HECW1: variants seen among roughly 807,000 people sequenced by gnomAD.
HECW1 encodes E3 ubiquitin-protein ligase HECW1.
A neutral mutation model predicts 182.3 loss-of-function variants in HECW1; 61 were observed. That is an observed-to-expected ratio of 0.33 (90% CI 0.27 to 0.41). HECW1 has a LOEUF of 0.41. HECW1 is among the 10% of genes least tolerant of loss of function. The probability of loss-of-function intolerance (pLI) is 1.00; values close to 1 mark genes in which losing one functional copy is unlikely to be tolerated. For synonymous variants in HECW1, 859 were observed against 832.6 expected (o/e 1.03, Z -0.55); for missense variants, 1,739 against 2,108.9 (o/e 0.82, Z 3.44).
At chr7:43,393,969 C>A (rs2075135917) in intron 6 of HECW1, among the ~76,000 whole-genome samples, 1 of 152,072 alleles carries the variant, frequency 6.6e-6, no homozygotes, top group South Asian at 2.1e-4. Context: ...ATTATAGTTT[C>A]TATTGTTCCC....
rs529109893 is a variant in HECW1 at position 43,319,393 on chromosome 7, C to CAAAAAAAAAAA, written c.353-1236_353-1226dup. On this transcript the variant is annotated intron_variant, in intron 4 of 29. Transcript: ENST00000395891. ...TGGGCGACAGAGCGAGACTCCGTCT[C>CAAAAAAAAAAA]AAAAAAAAAAAAAAAAGAGAGAACA... 3.5e-3 allele frequency among the ~76,000 whole-genome samples: 237 copies of CAAAAAAAAAAA among 67,656 alleles called. 3 individuals are homozygous for CAAAAAAAAAAA. The highest frequency in any genetic ancestry group is 9.1e-3 in the African/African-American group (222 of 24,396). The allele number at this position is 67,656 out of a possible 152,430, so 44.4% of individuals were successfully genotyped here.
intron 2 of HECW1, among the ~76,000 whole-genome samples, chr7:43,199,914 G>A (rs772772595): frequency 6.6e-6 from 1 of 152,032 alleles, no homozygotes; most frequent in Non-Finnish European, 1.5e-5. Flanking sequence ...AGTACTGAGG[G>A]CAATTTTAAG....
chr7:43,365,297 C>T (rs1461667583), intron 6 of HECW1, among the ~76,000 whole-genome samples: 1 of 152,240 alleles, frequency 6.6e-6, no homozygotes, highest in Non-Finnish European at 1.5e-5. Flanking sequence ...CCCTACAGAG[C>T]GTTCACCTGG....
At chr7:43,435,131 A>T (rs1383738650) in intron 8 of HECW1, among the ~76,000 whole-genome samples, 1 of 150,838 alleles carries the variant, frequency 6.6e-6, no homozygotes, top group Non-Finnish European at 1.5e-5. Context: ...TTAGTGTTAC[A>T]TGTAATTATA....
At chr7:43,240,332 C>T (rs886675870) in intron 2 of HECW1, among the ~76,000 whole-genome samples, 4 of 152,038 alleles carry the variant, frequency 2.6e-5, no homozygotes, top group Non-Finnish European at 4.4e-5. Context: ...AGCAAGACTC[C>T]GTCTCAAATA....
At chr7:43,542,135 T>A (rs2081384313) in intron 26 of HECW1, 137 bp downstream of exon 26, 2 of 692,484 alleles carry the variant, frequency 2.9e-6, no homozygotes, top group Non-Finnish European at 4.1e-6. Context: ...GGCCATCCAA[T>A]CTCCAGAACT....
intron 2 of HECW1, among the ~76,000 whole-genome samples, chr7:43,228,583 CT>C (rs1797632410): frequency 6.6e-6 from 1 of 152,094 alleles, no homozygotes; most frequent in South Asian, 2.1e-4. Context: ...AAATTAGGCC[CT>C]TTTGTAAGTT....
intron 3 of HECW1, among the ~76,000 whole-genome samples, chr7:43,280,309 G>C (rs1223663302): frequency 6.6e-6 from 1 of 152,142 alleles, no homozygotes; most frequent in African/African-American, 2.4e-5. Flanking sequence ...TTCCACCACT[G>C]AACACCTGTG....
intron 2 of HECW1, among the ~76,000 whole-genome samples, chr7:43,115,915 A>G (rs1785006129): frequency 1.3e-5 from 2 of 152,200 alleles, no homozygotes; most frequent in Non-Finnish European, 2.9e-5. Flanking sequence ...TAAATATGGG[A>G]TGAGCTTCTT....
At position 43,159,678 on chromosome 7, in the gene HECW1, C is replaced by CTT. The variant is rs36117153; in HGVS notation, c.-32+45305_-32+45306dup. On this transcript the variant is annotated intron_variant, in intron 2 of 29. Coordinates refer to ENST00000395891, the MANE Select transcript of HECW1 (RefSeq NM_015052.5). ...GAAAGCATTTCCTATTTCCTTGTAT[C>CTT]TTTTTTTTTTTTTTTTTTTGAGATG... Among the ~76,000 whole-genome samples the CTT allele has an allele frequency of 1.5e-3, 180 of 123,746 alleles. 1 individual carries two copies. Among genetic ancestry groups the CTT allele is most frequent in the Middle Eastern group, 4.3e-3 (1 of 230 alleles). 81.2% of individuals were successfully genotyped at this position (123,746 alleles called of 152,430 possible).
intron 24 of HECW1, among the ~76,000 whole-genome samples, chr7:43,524,689 C>T (rs977855266): frequency 1.3e-5 from 2 of 152,142 alleles, no homozygotes; most frequent in Non-Finnish European, 2.9e-5. Context: ...CTTTGACATG[C>T]CCATGCAGAG....
At chr7:43,275,319 T>C (rs1181306366) in intron 3 of HECW1, among the ~76,000 whole-genome samples, 2 of 152,124 alleles carry the variant, frequency 1.3e-5, no homozygotes, top group African/African-American at 2.4e-5. Flanking sequence ...TAAATCACAA[T>C]GTTAATGGTA....
At chr7:43,120,262 G>T (rs1785455576) in intron 2 of HECW1, among the ~76,000 whole-genome samples, 3 of 152,096 alleles carry the variant, frequency 2.0e-5, no homozygotes, top group Admixed American at 2.0e-4. Context: ...TGGAGGGACG[G>T]TCCCCCAGCC....
chr7:43,488,234 C>T (rs1342237213), intron 17 of HECW1, among the ~76,000 whole-genome samples: 4 of 151,160 alleles, frequency 2.6e-5, no homozygotes, highest in Non-Finnish European at 4.4e-5. Flanking sequence ...CTCTTGAACC[C>T]GGGAGGCAGA....
chr7:43,441,729 A>G (rs893408044), intron 9 of HECW1, among the ~76,000 whole-genome samples: 20 of 152,260 alleles, frequency 1.3e-4, no homozygotes, highest in Non-Finnish European at 2.9e-5. Context: ...CCGTGCTCCA[A>G]TAAAACTTTA....
rs371345997 is a variant in HECW1 at position 43,317,879 on chromosome 7, T to G, written c.353-2756T>G. On this transcript the variant is annotated intron_variant, in intron 4 of 29. Coordinates refer to ENST00000395891, the MANE Select transcript of HECW1 (RefSeq NM_015052.5). ...TGCCATCCTCGTCATCCTTTGCTGA[T>G]TCTTCCCACCTCCCCTTCATCCTTT... is the stretch of plus-strand genomic sequence containing the variant. Among the ~76,000 whole-genome samples the G allele has an allele frequency of 9.2e-5, 14 of 151,426 alleles. No individual in the cohort carries two copies. The South Asian group carries it at 1.1e-3, about 11-fold the overall frequency.
At chr7:43,278,762 T>A (rs1187334155) in intron 3 of HECW1, among the ~76,000 whole-genome samples, 1 of 152,110 alleles carries the variant, frequency 6.6e-6, no homozygotes, top group Non-Finnish European at 1.5e-5. Context: ...CTTCTCCTCC[T>A]CCTCCTAAGT....
chr7:43,356,751 A>G (rs58012450), intron 5 of HECW1, among the ~76,000 whole-genome samples: 2 of 152,246 alleles, frequency 1.3e-5, no homozygotes, highest in African/African-American at 4.8e-5. Flanking sequence ...CTCAGAAACT[A>G]CACAAACACA....
chr7:43,190,086 T>TTTG lies in HECW1; in HGVS notation c.-31-53771_-31-53769dup, dbSNP rs71008894. On this transcript the variant is annotated intron_variant, in intron 2 of 29. Coordinates refer to ENST00000395891, the MANE Select transcript of HECW1 (RefSeq NM_015052.5). ...ACCCCTGGTCACAGCTGTGGAAATTTTTGTTGTTGTTGTTGTTGTTTGTTT... is the reference window on the plus strand; with the variant it reads ...ACCCCTGGTCACAGCTGTGGAAATTTTTGTTGTTGTTGTTGTTGTTGTTTGTTT... 5.3e-5 allele frequency among the ~76,000 whole-genome samples: 8 copies of TTTG among 151,846 alleles called. No individual in the cohort carries two copies. In the South Asian group the frequency reaches 8.3e-4, roughly 16 times the overall value.
Sources: gnomAD v4.1 joint callset for allele counts (sites outside exome capture counted in the v4.1 genomes callset) on GRCh38, gnomAD v4.1.1 for gene constraint, MANE v1.5 for transcripts, NCBI Gene and HGNC (gene_info 2026-07-23, HGNC 2026-07-21) for gene names.